SHANK2: variants seen among roughly 807,000 people sequenced by gnomAD.
The protein encoded by SHANK2 is SH3 and multiple ankyrin repeat domains 2.
SHANK2 carries 43 observed loss-of-function variants against 133.7 expected under a neutral mutation model. That is an observed-to-expected ratio of 0.32 (90% CI 0.25 to 0.41). The LOEUF (loss-of-function observed/expected upper bound fraction) is 0.41, where lower values mean the gene tolerates loss of function less well. SHANK2 is among the 10% of genes least tolerant of loss of function. The pLI, the probability that SHANK2 is intolerant of heterozygous loss-of-function variation, is 1.00. For synonymous variants in SHANK2, 1,017 were observed against 952.8 expected (o/e 1.07, Z -1.24); for missense variants, 1,994 against 2,235.8 (o/e 0.89, Z 2.18).
rs1380122503 is a variant in SHANK2 at position 71,175,545 on chromosome 11, GGAGAGGGAGAGAGAGAGAGAGAGAGA to G, written c.-12-28233_-12-28208del. On this transcript the variant is annotated intron_variant, in intron 2 of 25. Coordinates refer to ENST00000601538, the MANE Select transcript of SHANK2 (RefSeq NM_012309.5). The surrounding 1 kb of genome is among the most constrained non-coding windows in gnomAD (Gnocchi z 4.2). ...GACAGACAGACAGACAGAGGGAGAGGGAGAGGGAGAGAGAGAGAGAGAGAGAGAGAGAGAGAGAGAGAGAGAGAGAG... is the reference window on the plus strand; with the variant it reads ...GACAGACAGACAGACAGAGGGAGAGGGAGAGAGAGAGAGAGAGAGAGAGAG... 2.5e-4 allele frequency among the ~76,000 whole-genome samples: 20 copies of G among 79,360 alleles called. 1 individual carries two copies. Among genetic ancestry groups the G allele is most frequent in the African/African-American group, 5.8e-4 (13 of 22,598 alleles). 52.1% of individuals were successfully genotyped at this position (79,360 alleles called of 152,430 possible).
chr11:70,902,423 G>A (rs1450971046), intron 10 of SHANK2, among the ~76,000 whole-genome samples: 2 of 152,236 alleles, frequency 1.3e-5, no homozygotes, highest in South Asian at 2.1e-4. Flanking sequence ...GTGTGCGGCC[G>A]AGGTCCCAGC....
intron 14 of SHANK2, among the ~76,000 whole-genome samples, chr11:70,737,623 T>C (rs927776199): frequency 5.9e-5 from 9 of 152,158 alleles, no homozygotes; most frequent in Non-Finnish European, 7.3e-5. Flanking sequence ...GCTTCCGCGC[T>C]CCCTGACCCT....
intron 25 of SHANK2, among the ~76,000 whole-genome samples, chr11:70,476,108 A>G (rs540881258): frequency 1.8e-4 from 27 of 152,136 alleles, no homozygotes; most frequent in African/African-American, 6.3e-4. Flanking sequence ...GGGCGCCTGT[A>G]ATCCCAGCTA....
At chr11:70,637,148 T>C (rs1555004566) in intron 17 of SHANK2, among the ~76,000 whole-genome samples, 2 of 152,092 alleles carry the variant, frequency 1.3e-5, no homozygotes, top group Admixed American at 6.5e-5. Flanking sequence ...CATGTGTGTG[T>C]GCATTAGTAT....
chr11:70,682,960 A>G (rs1051157969), intron 15 of SHANK2, among the ~76,000 whole-genome samples: 2 of 151,866 alleles, frequency 1.3e-5, no homozygotes, highest in African/African-American at 4.8e-5. Flanking sequence ...TGACAAGTCT[A>G]AGGCAGATTG....
intron 15 of SHANK2, among the ~76,000 whole-genome samples, chr11:70,693,566 A>T (rs1945332914): frequency 6.6e-6 from 1 of 152,224 alleles, no homozygotes; most frequent in East Asian, 1.9e-4. Context: ...GCTTCATAGC[A>T]TTAACTACAA....
intron 10 of SHANK2, among the ~76,000 whole-genome samples, chr11:70,915,179 A>T (rs774722352): frequency 2.6e-5 from 4 of 152,122 alleles, no homozygotes; most frequent in Non-Finnish European, 5.9e-5. Context: ...GATCCCTCAA[A>T]AATACGGATG....
chr11:70,742,884 G>C (rs1028034068), intron 14 of SHANK2, among the ~76,000 whole-genome samples: 6 of 152,148 alleles, frequency 3.9e-5, no homozygotes, highest in Non-Finnish European at 7.3e-5. Flanking sequence ...GTTTGCCTTG[G>C]GCTGGAAGTA....
rs1454170153 is a variant in SHANK2 at position 70,934,243 on chromosome 11, C to T, written c.1108-37676G>A. On this transcript the variant is annotated intron_variant, in intron 10 of 25. Coordinates refer to ENST00000601538, the MANE Select transcript of SHANK2 (RefSeq NM_012309.5). Reference sequence around the variant, plus strand: ...CGGGACTGTGTCTCAACAACAACACCACCAAAAAAAAAAAAAAAAAACAGC... The same window carrying T: ...CGGGACTGTGTCTCAACAACAACACTACCAAAAAAAAAAAAAAAAAACAGC... 4.9e-5 allele frequency among the ~76,000 whole-genome samples: 4 copies of T among 81,312 alleles called. No homozygotes were observed. The South Asian group carries it at 2.4e-3, about 49-fold the overall frequency. The allele number at this position is 81,312 out of a possible 152,430, so 53.3% of individuals were successfully genotyped here. A position where few individuals can be genotyped will look rare whatever the true frequency, so the allele number is the denominator to read the frequency against.
Position 70,473,308 on chromosome 11 carries a change from G to A in SHANK2, c.5111C>T (p.Thr1704Ile). Residue 1704 changes from threonine to isoleucine, a missense_variant, in exon 26 of 26, where the codon ACA becomes ATA. By Grantham distance (89) the Thr-to-Ile change is moderately conservative. This residue lies in a region of SHANK2 where 797 missense variants were observed against 907.4 expected (regional missense o/e 0.88). Transcript: ENST00000601538. The surrounding 1 kb of genome is among the most constrained non-coding windows in gnomAD (Gnocchi z 5.9). ...PPDYESRTSG[T>I]RRAPSPVVSP... ...GACCACAGGGCTTGGGGCACGTCTT[G>A]TTCCTGAGGTCCTGCTTTCATAGTC... The A allele has an allele frequency of 6.2e-7, 1 of 1,614,026 alleles. No homozygotes were observed. Among genetic ancestry groups the A allele is most frequent in the Non-Finnish European group, 8.5e-7 (1 of 1,180,036 alleles).
chr11:70,702,367 TCAC>T (rs1167435906), intron 14 of SHANK2, among the ~76,000 whole-genome samples: 156 of 148,210 alleles, frequency 1.1e-3, no homozygotes, highest in African/African-American at 3.7e-3. Context: ...ATCACCATCA[TCAC>T]CACCAACACC....
intron 3 of SHANK2, among the ~76,000 whole-genome samples, chr11:71,136,679 T>G (rs756543648): frequency 4.6e-5 from 7 of 152,186 alleles, no homozygotes; most frequent in Non-Finnish European, 7.3e-5. Flanking sequence ...AGGCCACATG[T>G]TGTTTGACTC....
At chr11:70,949,309 G>A (rs1950799530) in intron 10 of SHANK2, among the ~76,000 whole-genome samples, 1 of 152,190 alleles carries the variant, frequency 6.6e-6, no homozygotes, top group Non-Finnish European at 1.5e-5. Context: ...GAAGAACCCT[G>A]TGCACAGCAA....
At chr11:70,582,284 G>A (rs1389156914) in intron 17 of SHANK2, among the ~76,000 whole-genome samples, 16 of 152,202 alleles carry the variant, frequency 1.1e-4, no homozygotes, top group Admixed American at 3.9e-4. Flanking sequence ...CCACACATCC[G>A]GGGCCTCCAA....
At chr11:71,089,353 T>C (rs1203678031) in intron 8 of SHANK2, among the ~76,000 whole-genome samples, 2 of 152,134 alleles carry the variant, frequency 1.3e-5, no homozygotes, top group African/African-American at 2.4e-5. Context: ...GGCCACTGCA[T>C]GAGCACCAGT....
chr11:70,627,213 C>T (rs899572483), intron 17 of SHANK2, among the ~76,000 whole-genome samples: 5 of 152,210 alleles, frequency 3.3e-5, no homozygotes, highest in Admixed American at 6.5e-5. Flanking sequence ...TGCAGGTCTC[C>T]ACCCTCCTGA....
intron 11 of SHANK2, among the ~76,000 whole-genome samples, chr11:70,843,620 C>T (rs1336393085): frequency 2.6e-5 from 4 of 151,812 alleles, no homozygotes; most frequent in Non-Finnish European, 5.9e-5. Flanking sequence ...GAAGGCGGCA[C>T]CTACAAGCCG....
chr11:71,153,503 C>T (rs574835562), intron 2 of SHANK2, among the ~76,000 whole-genome samples: 6 of 152,314 alleles, frequency 3.9e-5, no homozygotes, highest in South Asian at 2.1e-4. Flanking sequence ...TCCTCCAGTA[C>T]CTCTGATGAA....
intron 2 of SHANK2, among the ~76,000 whole-genome samples, chr11:71,190,611 G>GC (rs1423053523): frequency 6.6e-6 from 1 of 152,238 alleles, no homozygotes; most frequent in African/African-American, 2.4e-5. Flanking sequence ...CAGGGAATCG[G>GC]CCTCTTAAGG....
Sources: allele counts gnomAD v4.1 joint callset (sites outside exome capture counted in the v4.1 genomes callset), GRCh38; gene constraint gnomAD v4.1.1; regional missense constraint gnomAD v4.1.1; non-coding constraint Gnocchi (gnomAD v3.1); transcripts MANE v1.5; gene names NCBI Gene and HGNC (gene_info 2026-07-23, HGNC 2026-07-21).